Variants in PTPRT observed in about 807,000 individuals in gnomAD.
The protein encoded by PTPRT is protein tyrosine phosphatase receptor type T, also known as receptor-type tyrosine-protein phosphatase T.
In PTPRT, 56 loss-of-function variants were observed where a neutral mutation model predicts 176.8. The ratio of observed to expected loss-of-function variants is 0.32; its 90% CI spans 0.26 to 0.40. PTPRT has a LOEUF of 0.40. Among genes scored for constraint, PTPRT ranks in the 10% least tolerant of loss-of-function variants. PTPRT has a pLI of 1.00. For synonymous variants in PTPRT, 783 were observed against 739.0 expected, an observed-to-expected ratio of 1.06 and a Z score of -0.96; for missense variants, 1,540 against 1,908.2, an observed-to-expected ratio of 0.81 and a Z score of 3.60.
At chr20:42,984,703 A>G (rs1274876520) in intron 1 of PTPRT, among the ~76,000 whole-genome samples, 1 of 152,224 alleles carries the variant, frequency 6.6e-6, no homozygotes, top group African/African-American at 2.4e-5. Context: ...AGAAAAGTAA[A>G]TAGGCTCAGA....
At chr20:42,349,104 T>C (rs1568797965) in intron 11 of PTPRT, among the ~76,000 whole-genome samples, 1 of 152,186 alleles carries the variant, frequency 6.6e-6, no homozygotes. Flanking sequence ...GGATACAGGA[T>C]AGACAATGGC....
rs747347462 is a variant in PTPRT at position 42,085,784 on chromosome 20, C to T, written c.3916G>A (p.Ala1306Thr). The change falls in exon 28 of 31, where the codon GCA (alanine) becomes ACA (threonine). Residue 1306 changes from alanine (A) to threonine (T), a missense_variant. Physicochemically the swap from Ala to Thr is moderately conservative, Grantham distance 58. This residue lies in a region of PTPRT where 342 missense variants were observed against 394.0 expected (regional missense o/e 0.87). Coordinates refer to ENST00000373187, the MANE Select transcript of PTPRT (RefSeq NM_007050.6). ...TGGATGATGTCCTCGTCGATGTCTG[C>T]GGAGACGAACTCCACCTGGATGGGC... is the stretch of plus-strand genomic sequence containing the variant. ...YGPIQVEFVS[A>T]DIDEDIIHRI... 3.2e-5 allele frequency: 52 copies of T among 1,613,838 alleles called. No individual in the cohort carries two copies. Among genetic ancestry groups the T allele is most frequent in the Admixed American group, 1.8e-4 (11 of 59,976 alleles).
intron 7 of PTPRT, among the ~76,000 whole-genome samples, chr20:42,549,274 G>T (rs1321248069): frequency 1.3e-5 from 2 of 151,938 alleles, no homozygotes; most frequent in Non-Finnish European, 2.9e-5. Flanking sequence ...CAGTAATCTG[G>T]ATGGAAGTTA....
Position 42,119,988 on chromosome 20 carries a change from A to G in PTPRT, c.2848-17T>C. 1 of 1,603,568 alleles carries G rather than the reference A, an allele frequency of 6.2e-7. No homozygotes were observed. Among genetic ancestry groups the G allele is most frequent in the Non-Finnish European group, 8.5e-7 (1 of 1,174,446 alleles). Reference sequence around the variant, plus strand: ...ATGGTATCCCTGGATAACAGGAGAAAAGCACTGTGAAGAGTCTGTTGTCAA... The same window carrying G: ...ATGGTATCCCTGGATAACAGGAGAAGAGCACTGTGAAGAGTCTGTTGTCAA... On this transcript the variant is annotated splice_polypyrimidine_tract_variant and intron_variant, in intron 19 of 30. Coordinates refer to ENST00000373187, the MANE Select transcript of PTPRT (RefSeq NM_007050.6).
At chr20:42,975,013 A>G (rs1014404597) in intron 1 of PTPRT, among the ~76,000 whole-genome samples, 6 of 152,260 alleles carry the variant, frequency 3.9e-5, no homozygotes, top group Non-Finnish European at 7.3e-5. Flanking sequence ...ACCATGAGTC[A>G]TCACAGACAT....
At chr20:43,082,200 C>T (rs1261304030) in intron 1 of PTPRT, among the ~76,000 whole-genome samples, 5 of 152,102 alleles carry the variant, frequency 3.3e-5, no homozygotes, top group African/African-American at 4.8e-5. Flanking sequence ...TCTAAGAGTA[C>T]GTGCATCTTA....
intron 17 of PTPRT, 95 bp from the exon 18 acceptor site, chr20:42,142,097 T>C (rs1226891633): frequency 1.9e-5 from 19 of 992,088 alleles, no homozygotes; most frequent in Non-Finnish European, 2.7e-5. Context: ...CCCACTGCGA[T>C]GGGACTCCTA....
intron 13 of PTPRT, among the ~76,000 whole-genome samples, chr20:42,274,432 G>A (rs2056991443): frequency 6.6e-6 from 1 of 152,146 alleles, no homozygotes; most frequent in Admixed American, 6.5e-5. Flanking sequence ...TCCAGTTGCT[G>A]AGGTAGAGGT....
chr20:43,112,052 G>A (rs1392202268), intron 1 of PTPRT, among the ~76,000 whole-genome samples: 2 of 152,216 alleles, frequency 1.3e-5, no homozygotes, highest in African/African-American at 4.8e-5. Flanking sequence ...CCACTTGGGT[G>A]GGACATATCC....
intron 2 of PTPRT, among the ~76,000 whole-genome samples, chr20:42,871,660 G>A (rs1228170652): frequency 7.2e-6 from 1 of 138,374 alleles, no homozygotes; most frequent in African/African-American, 2.9e-5. Flanking sequence ...TTTTGTGTAT[G>A]GTGTAAGTTA....
At chr20:42,090,637 C>T (rs908439882) in intron 27 of PTPRT, among the ~76,000 whole-genome samples, 33 of 152,192 alleles carry the variant, frequency 2.2e-4, no homozygotes, top group African/African-American at 8.0e-4. Context: ...ACAGAGATCA[C>T]ATCTGTGAGT....
chr20:42,392,005 C>T (rs1199446569), intron 9 of PTPRT, among the ~76,000 whole-genome samples: 1 of 152,108 alleles, frequency 6.6e-6, no homozygotes, highest in East Asian at 1.9e-4. Flanking sequence ...GAGAGGGGTG[C>T]ACTGTCCTTG....
chr20:42,717,842 T>G (rs977212470), intron 6 of PTPRT, among the ~76,000 whole-genome samples: 1 of 152,056 alleles, frequency 6.6e-6, no homozygotes, highest in Non-Finnish European at 1.5e-5. Flanking sequence ...GAATATCCAA[T>G]TCAAACACAT....
intron 1 of PTPRT, among the ~76,000 whole-genome samples, chr20:42,932,106 A>C (rs1979892079): frequency 6.6e-6 from 1 of 152,234 alleles, no homozygotes; most frequent in Non-Finnish European, 1.5e-5. Context: ...AAGCAGGCCC[A>C]CACGACCAGG....
At chr20:42,569,278 T>G (rs542141408) in intron 7 of PTPRT, among the ~76,000 whole-genome samples, 1 of 151,438 alleles carries the variant, frequency 6.6e-6, no homozygotes, top group Non-Finnish European at 1.5e-5. Flanking sequence ...TACTTCACTA[T>G]GAAATTAGAT....
intron 6 of PTPRT, among the ~76,000 whole-genome samples, chr20:42,745,637 C>A (rs2076681185): frequency 6.6e-6 from 1 of 152,242 alleles, no homozygotes; most frequent in Non-Finnish European, 1.5e-5. Context: ...TGATCTAGAG[C>A]ATTCTTACTA....
intron 2 of PTPRT, among the ~76,000 whole-genome samples, chr20:42,856,088 G>A (rs905831337): frequency 1.3e-5 from 2 of 152,026 alleles, no homozygotes; most frequent in African/African-American, 4.8e-5. Flanking sequence ...GAAGCTTTAG[G>A]GGACCACCCA....
At chr20:42,628,340 C>T (rs1159897385) in intron 7 of PTPRT, among the ~76,000 whole-genome samples, 1 of 152,128 alleles carries the variant, frequency 6.6e-6, no homozygotes, top group African/African-American at 2.4e-5. Flanking sequence ...TGCAGCTCAC[C>T]TGTATAGCGC....
At chr20:42,922,150 G>C (rs1979187602) in intron 1 of PTPRT, among the ~76,000 whole-genome samples, 1 of 152,126 alleles carries the variant, frequency 6.6e-6, no homozygotes, top group African/African-American at 2.4e-5. Context: ...TGGCCAGGCT[G>C]ATCTCAAACT....
Sources: gnomAD v4.1 joint callset for allele counts (sites outside exome capture counted in the v4.1 genomes callset) on GRCh38, gnomAD v4.1.1 for gene constraint, gnomAD v4.1.1 regional missense constraint, MANE v1.5 for transcripts, NCBI Gene and HGNC (gene_info 2026-07-23, HGNC 2026-07-21) for gene names.